The following ALMS1 variants were observed in gnomAD, a reference collection of about 807,000 sequenced individuals.
ALMS1 encodes centrosome-associated protein ALMS1.
A neutral mutation model predicts 352.2 loss-of-function variants in ALMS1; 271 were observed. That is an observed-to-expected ratio of 0.77 (90% CI 0.70 to 0.85). ALMS1 has a LOEUF of 0.85. Among genes scored for constraint, ALMS1 ranks in the 40% least tolerant of loss-of-function variants. ALMS1 has a pLI of 0.00. For missense variants in ALMS1, 5,445 were observed against 4,870.7 expected (o/e 1.12, Z -3.51); for synonymous variants, 1,865 against 1,761.2 (o/e 1.06, Z -1.48).
intron 16 of ALMS1, 134 bp from the exon 17 acceptor site, chr2:73,599,267 A>G: frequency 8.6e-7 from 1 of 1,158,994 alleles, no homozygotes; most frequent in Non-Finnish European, 1.3e-6. Flanking sequence ...AGTTCACAGT[A>G]TCTCAAGCTT....
At position 73,453,483 on chromosome 2, in the gene ALMS1, G is replaced by C; in HGVS notation, c.6956G>C (p.Arg2319Thr). 1 of 1,613,352 alleles carries C rather than the reference G, an allele frequency of 6.2e-7. No homozygotes were observed. Among genetic ancestry groups the C allele is most frequent in the Non-Finnish European group, 8.5e-7 (1 of 1,179,692 alleles). ...GTATCTAATGGTGATTTGCTTCACA[G>C]ACAGCCATTCACAGAGGAAAGCCCA... The part of the protein sequence containing the change: ...TGVSNGDLLH[R>T]QPFTEESPSS... The change falls in exon 8 of 23, where the codon AGA becomes ACA. Residue 2319 changes from arginine to threonine, a missense_variant. Arg to Thr is a moderately conservative substitution (Grantham distance 71). Coordinates refer to ENST00000613296, the MANE Select transcript of ALMS1 (RefSeq NM_001378454.1).
Position 73,452,054 on chromosome 2 carries a change from A to G in ALMS1, c.5527A>G (p.Ile1843Val), listed in dbSNP as rs867926179. The change falls in exon 8 of 23, where the codon ATA becomes GTA. Residue 1843 changes from isoleucine to valine, a missense_variant. By Grantham distance (29) the Ile-to-Val change is conservative (BLOSUM62 3). Coordinates refer to ENST00000613296, the MANE Select transcript of ALMS1 (RefSeq NM_001378454.1). ...VPGPADQKTG[I>V]NILPSNSYPQ... Reference sequence around the variant, plus strand: ...TGGACCAGCTGACCAGAAGACTGGAATAAACATCCTGCCCTCTAATTCCTA... The same window carrying G: ...TGGACCAGCTGACCAGAAGACTGGAGTAAACATCCTGCCCTCTAATTCCTA... The G allele has an allele frequency of 6.2e-7, 1 of 1,614,100 alleles. No individual in the cohort carries two copies. Among genetic ancestry groups the G allele is most frequent in the African/African-American group, 1.3e-5 (1 of 75,028 alleles).
chr2:73,426,585 ACGTGG>A lies in ALMS1; in HGVS notation c.1338+34_1338+38del, dbSNP rs750732618. 2.5e-6 allele frequency: 4 copies of A among 1,601,378 alleles called. No individual in the cohort carries two copies. The East Asian group carries it at 8.9e-5, about 36-fold the overall frequency. Reference sequence around the variant, plus strand: ...CACAATAAAATGATAGTTGTAAGAAACGTGGCCTTTTTCAGTATTGTTTCAGGAAA... The same window carrying A: ...CACAATAAAATGATAGTTGTAAGAAACCTTTTTCAGTATTGTTTCAGGAAA... On this transcript the variant is annotated intron_variant, in intron 6 of 22. Transcript: ENST00000613296.
intron 16 of ALMS1, among the ~76,000 whole-genome samples, chr2:73,597,185 T>C (rs1675570421): frequency 6.6e-6 from 1 of 152,160 alleles, no homozygotes; most frequent in South Asian, 2.1e-4. Context: ...TTTTTGATGC[T>C]ATTGTGAGTG....
chr2:73,569,690 C>T (rs1313877501), intron 15 of ALMS1, among the ~76,000 whole-genome samples: 1 of 152,158 alleles, frequency 6.6e-6, no homozygotes, highest in Admixed American at 6.5e-5. Flanking sequence ...ATGAAATAAG[C>T]CATACATACT....
intron 2 of ALMS1, among the ~76,000 whole-genome samples, chr2:73,417,879 G>T (rs1671207152): frequency 6.6e-6 from 1 of 152,036 alleles, no homozygotes; most frequent in Admixed American, 6.5e-5. Flanking sequence ...TATTTAATAC[G>T]ACTTTAATTC....
intron 16 of ALMS1, among the ~76,000 whole-genome samples, chr2:73,595,376 G>T (rs1675523650): frequency 6.6e-6 from 1 of 152,140 alleles, no homozygotes; most frequent in Non-Finnish European, 1.5e-5. Context: ...GTCTCTTCTG[G>T]AGATTTTATG....
chr2:73,540,145 G>A (rs976881478), intron 12 of ALMS1, among the ~76,000 whole-genome samples: 1 of 152,204 alleles, frequency 6.6e-6, no homozygotes, highest in South Asian at 2.1e-4. Context: ...CCCACAAAGG[G>A]AAGCCCATCA....
chr2:73,601,230 T>G lies in ALMS1; in HGVS notation c.11908T>G (p.Ser3970Ala). 1 of 1,613,974 alleles carries G rather than the reference T, an allele frequency of 6.2e-7. No individual in the cohort carries two copies. Among genetic ancestry groups the G allele is most frequent in the South Asian group, 1.1e-5 (1 of 91,068 alleles). Residue 3970 changes from serine (S) to alanine (A), a missense_variant, in exon 19 of 23, where the codon TCT (serine) becomes GCT (alanine). Coordinates refer to ENST00000613296, the MANE Select transcript of ALMS1 (RefSeq NM_001378454.1). ...SWFVPVENVE[S>A]RSKKENVPNT... ...GTTTGTTCCTGTGGAAAATGTGGAG[T>G]CTAGATCAAAGAAGGAAAACGTGCC...
chr2:73,491,098 G>A lies in ALMS1; in HGVS notation c.9139G>A (p.Val3047Ile), dbSNP rs1235848398. 1.9e-6 allele frequency: 3 copies of A among 1,614,030 alleles called. No homozygotes were observed. The highest frequency in any genetic ancestry group is 2.5e-6 in the Non-Finnish European group (3 of 1,180,024). Residue 3047 changes from valine (V) to isoleucine (I), a missense_variant, in exon 10 of 23, where the codon GTT becomes ATT. Physicochemically the swap from Val to Ile is conservative, Grantham distance 29. Transcript: ENST00000613296. The stretch of plus-strand genomic sequence containing the variant: ...TTCAAATAGAAAAGCACTTTCTTGT[G>A]TTCATATAACTCTTTGTCCCAAGAC... ...PPSNRKALSC[V>I]HITLCPKTSS...
intron 9 of ALMS1, chr2:73,459,257 A>G (rs1246415233): frequency 6.6e-6 from 1 of 152,194 alleles, no homozygotes; most frequent in Non-Finnish European, 1.5e-5. Flanking sequence ...CATGCTTGTC[A>G]GGAGGCACAT....
chr2:73,565,190 A>T (rs1674777650), intron 15 of ALMS1, among the ~76,000 whole-genome samples: 1 of 152,184 alleles, frequency 6.6e-6, no homozygotes, highest in Non-Finnish European at 1.5e-5. Context: ...AATGTCCAGG[A>T]TTCCTTGGCA....
intron 9 of ALMS1, among the ~76,000 whole-genome samples, chr2:73,484,135 TTG>T (rs1672773009): frequency 6.6e-6 from 1 of 151,774 alleles, no homozygotes; most frequent in South Asian, 2.1e-4. Context: ...GCTGGTTATT[TTG>T]CTCATTAGTT....
intron 10 of ALMS1, among the ~76,000 whole-genome samples, chr2:73,509,228 G>A (rs1673400452): frequency 6.6e-6 from 1 of 151,984 alleles, no homozygotes; most frequent in South Asian, 2.1e-4. Context: ...CATTTTAATT[G>A]GGGCATTTAG....
intron 22 of ALMS1, among the ~76,000 whole-genome samples, chr2:73,608,873 A>G (rs1461814323): frequency 6.6e-6 from 1 of 152,254 alleles, no homozygotes; most frequent in East Asian, 1.9e-4. Flanking sequence ...CAGAATTATC[A>G]GGTTTCCATT....
intron 9 of ALMS1, among the ~76,000 whole-genome samples, chr2:73,476,866 G>C (rs1266353857): frequency 6.6e-6 from 1 of 151,972 alleles, no homozygotes; most frequent in African/African-American, 2.4e-5. Flanking sequence ...TAAGTTCTTG[G>C]AAACTGACCT....
intron 1 of ALMS1, among the ~76,000 whole-genome samples, chr2:73,404,369 G>A (rs1434776873): frequency 6.6e-6 from 1 of 152,144 alleles, no homozygotes; most frequent in Non-Finnish European, 1.5e-5. Flanking sequence ...GATCTTAGAG[G>A]AAATGTTTTC....
intron 10 of ALMS1, among the ~76,000 whole-genome samples, chr2:73,504,134 C>T (rs1673271875): frequency 6.6e-6 from 1 of 152,050 alleles, no homozygotes; most frequent in Non-Finnish European, 1.5e-5. Flanking sequence ...AGGGAGGTCC[C>T]CACTCAGCTT....
intron 12 of ALMS1, among the ~76,000 whole-genome samples, chr2:73,541,606 T>A (rs1323735468): frequency 6.6e-6 from 1 of 151,926 alleles, no homozygotes; most frequent in Non-Finnish European, 1.5e-5. Context: ...ATCAACAAAA[T>A]TGATAGACTG....
Sources: allele counts gnomAD v4.1 joint callset (sites outside exome capture counted in the v4.1 genomes callset), GRCh38; gene constraint gnomAD v4.1.1; transcripts MANE v1.5; gene names NCBI Gene and HGNC (gene_info 2026-07-23, HGNC 2026-07-21).